LAMA1: variants seen among roughly 807,000 people sequenced by gnomAD.
LAMA1 encodes laminin subunit alpha-1.
A neutral mutation model predicts 348.7 loss-of-function variants in LAMA1; 219 were observed. That is an observed-to-expected ratio of 0.63 (90% CI 0.56 to 0.70). The LOEUF is 0.70. Among genes scored for constraint, LAMA1 ranks in the 30% least tolerant of loss-of-function variants. The pLI is 0.00. For missense variants in LAMA1, 3,744 were observed against 3,888.0 expected, an observed-to-expected ratio of 0.96 and a Z score of 0.99; for synonymous variants, 1,487 against 1,491.0, an observed-to-expected ratio of 1.00 and a Z score of 0.06.
chr18:7,049,083 T>C lies in LAMA1; in HGVS notation c.763A>G (p.Arg255Gly). The C allele has an allele frequency of 6.2e-7, 1 of 1,613,882 alleles. No homozygotes were observed. Among genetic ancestry groups the C allele is most frequent in the Non-Finnish European group, 8.5e-7 (1 of 1,179,804 alleles). The stretch of plus-strand genomic sequence containing the variant: ...GACTGCCGTCCCATACTCACGCGTC[T>C]GGTAACAATAGGATCCAGTTCTTTA... ...EPKELDPIVTRRYYYSIKDIS... is the reference protein window; with the variant it reads ...EPKELDPIVTGRYYYSIKDIS... Residue 255 changes from arginine (R) to glycine (G), a missense_variant, in exon 5 of 63, where the codon AGA becomes GGA. Physicochemically the swap from Arg to Gly is moderately radical, Grantham distance 125. Coordinates refer to ENST00000389658, the MANE Select transcript of LAMA1 (RefSeq NM_005559.4).
chr18:6,980,530 T>C lies in LAMA1; in HGVS notation c.5998A>G (p.Ile2000Val), dbSNP rs138747833. The C allele has an allele frequency of 3.1e-6, 5 of 1,588,150 alleles. No individual in the cohort carries two copies. The Admixed American group carries it at 8.3e-5, about 26-fold the overall frequency. The part of the protein sequence containing the change: ...TNESLLILRA[I>V]PKGIRDKGAK... ...AGTCCTTTCCACTTACCTTTAGGAA[T>C]TGCTCTAAGTATCAAGAGTGATTCA... is the stretch of plus-strand genomic sequence containing the variant. Residue 2000 changes from isoleucine to valine, a missense_variant, in exon 42 of 63, where the codon ATT becomes GTT. Ile to Val is a conservative substitution (Grantham distance 29, BLOSUM62 3). Transcript: ENST00000389658.
chr18:7,096,525 C>T (rs1019971983), intron 1 of LAMA1, among the ~76,000 whole-genome samples: 15 of 151,834 alleles, frequency 9.9e-5, no homozygotes, highest in South Asian at 4.2e-4. Flanking sequence ...CATGGTAGTG[C>T]GTGTCTGTAG....
chr18:6,947,239 G>A lies in LAMA1; in HGVS notation c.8768C>T (p.Ser2923Phe), dbSNP rs540403201. The A allele has an allele frequency of 1.9e-6, 3 of 1,614,176 alleles. No individual in the cohort carries two copies. The Admixed American group carries it at 5.0e-5, about 27-fold the overall frequency. The part of the protein sequence containing the change: ...DVNITLEFRT[S>F]SQNGVLLGIS... ...CCCCAGGAGGACGCCATTCTGCGAG[G>A]AGGTTCGAAACTCCAGTGTGATGTT... Residue 2923 changes from serine to phenylalanine, a missense_variant, in exon 61 of 63, where the codon TCC becomes TTC. By Grantham distance (155) the Ser-to-Phe change is radical. Transcript: ENST00000389658.
At chr18:6,945,368 C>T (rs376925942) in intron 61 of LAMA1, among the ~76,000 whole-genome samples, 23 of 152,158 alleles carry the variant, frequency 1.5e-4, no homozygotes, top group Non-Finnish European at 3.2e-4. Context: ...AAAGGTCAGA[C>T]ATGACCTTTC....
intron 47 of LAMA1, 119 bp downstream of exon 47, chr18:6,972,938 A>C: frequency 5.5e-6 from 6 of 1,082,888 alleles, no homozygotes; most frequent in Non-Finnish European, 7.1e-6. Flanking sequence ...TGATCTGCCC[A>C]CCTTGGCCTC....
intron 1 of LAMA1, among the ~76,000 whole-genome samples, chr18:7,087,411 C>T (rs111412412): frequency 6.6e-6 from 1 of 152,188 alleles, no homozygotes. Flanking sequence ...ATGCTCCACG[C>T]CATCTTGGCT....
At chr18:7,064,608 T>C (rs1340787349) in intron 3 of LAMA1, among the ~76,000 whole-genome samples, 5 of 152,228 alleles carry the variant, frequency 3.3e-5, no homozygotes, top group East Asian at 1.9e-4. Flanking sequence ...TGGCATTTCC[T>C]GAACAGCAAG....
chr18:7,042,859 G>A (rs919620796), intron 8 of LAMA1: 2 of 234,386 alleles, frequency 8.5e-6, no homozygotes, highest in African/African-American at 4.7e-5. Context: ...CTCCAGCCTG[G>A]CGACAGAGCG....
At chr18:7,091,158 G>A (rs543360124) in intron 1 of LAMA1, among the ~76,000 whole-genome samples, 3 of 152,282 alleles carry the variant, frequency 2.0e-5, no homozygotes, top group Non-Finnish European at 4.4e-5. Context: ...TTCATTCATC[G>A]TGAAGCAGTT....
chr18:7,023,625 C>A (rs2057928574), intron 18 of LAMA1, among the ~76,000 whole-genome samples: 1 of 152,070 alleles, frequency 6.6e-6, no homozygotes, highest in Non-Finnish European at 1.5e-5. Context: ...AACTCTGACC[C>A]ACCCCTGACC....
rs74986202 is a variant in LAMA1 at position 7,023,149 on chromosome 18, C to T, written c.2701+15G>A. ...GCAATAAACAGCTGACCTGACTTCA[C>T]GCTCACGCACTCACCGCGGCAGTTC... On this transcript the variant is annotated intron_variant, in intron 19 of 62. Transcript: ENST00000389658. 9.6e-3 allele frequency: 15,507 copies of T among 1,608,360 alleles called. 717 individuals are homozygous for T. In the East Asian group the frequency reaches 0.15, roughly 16 times the overall value.
rs148371239 is a variant in LAMA1, at chr18:7,002,408, A to C, written c.4261-23T>G. ...GTTCTGGGAGCCCACATTTAAAGGA[A>C]GGGGGAAAAAATGGGAAATTGTTAG... is the stretch of plus-strand genomic sequence containing the variant. On this transcript the variant is annotated intron_variant, in intron 29 of 62. Transcript: ENST00000389658. 4,786 of 1,609,794 alleles carry C rather than the reference A, an allele frequency of 3.0e-3. 10 individuals are homozygous for C. The highest frequency in any genetic ancestry group is 3.7e-3 in the Non-Finnish European group (4,412 of 1,179,346).
At chr18:6,949,662 T>C (rs994821936) in intron 58 of LAMA1, among the ~76,000 whole-genome samples, 2 of 152,200 alleles carry the variant, frequency 1.3e-5, no homozygotes, top group African/African-American at 4.8e-5. Flanking sequence ...ATTTAGTGGA[T>C]AGTTTAACTT....
chr18:7,076,205 C>T (rs1445900456), intron 3 of LAMA1, among the ~76,000 whole-genome samples: 1 of 152,110 alleles, frequency 6.6e-6, no homozygotes, highest in Non-Finnish European at 1.5e-5. Flanking sequence ...TGTAGCCATG[C>T]TGTAGATCTG....
intron 23 of LAMA1, among the ~76,000 whole-genome samples, chr18:7,013,567 T>C (rs187989646): frequency 2.7e-4 from 41 of 152,282 alleles, no homozygotes; most frequent in Admixed American, 2.6e-3. Flanking sequence ...CTGGGATATA[T>C]GATTAAAACT....
At chr18:6,982,130 A>G (rs1364647202) in intron 41 of LAMA1, among the ~76,000 whole-genome samples, 2 of 152,192 alleles carry the variant, frequency 1.3e-5, no homozygotes, top group Non-Finnish European at 2.9e-5. Flanking sequence ...ATCAAGCATA[A>G]TACATCTCCT....
intron 46 of LAMA1, among the ~76,000 whole-genome samples, chr18:6,974,211 C>A (rs987574500): frequency 1.8e-4 from 28 of 151,790 alleles, no homozygotes; most frequent in African/African-American, 5.8e-4. Context: ...GAAAAAAATC[C>A]AAACCTTAAG....
Position 7,011,292 on chromosome 18 carries a change from C to G in LAMA1, c.3687+8G>C. On this transcript the variant is annotated splice_region_variant and intron_variant, in intron 25 of 62. Coordinates refer to ENST00000389658, the MANE Select transcript of LAMA1 (RefSeq NM_005559.4). ...ACCGACTGGCTCTCGGCTGGGCGTG[C>G]ACCTCACCTGGTCTCCTTGGAACTG... 6.2e-7 allele frequency: 1 copy of G among 1,609,934 alleles called. No homozygotes were observed. The highest frequency in any genetic ancestry group is 8.5e-7 in the Non-Finnish European group (1 of 1,179,014).
chr18:7,023,257 A>G lies in LAMA1; in HGVS notation c.2608T>C (p.Cys870Arg). 6.2e-7 allele frequency: 1 copy of G among 1,613,608 alleles called. No individual in the cohort carries two copies. Among genetic ancestry groups the G allele is most frequent in the Non-Finnish European group, 8.5e-7 (1 of 1,179,948 alleles). Residue 870 changes from cysteine to arginine, a missense_variant, in exon 19 of 63, where the codon TGC becomes CGC. By Grantham distance (180) the Cys-to-Arg change is radical (BLOSUM62 -3). This residue lies in a region of LAMA1 where 1,529 missense variants were observed against 1,689.4 expected (regional missense o/e 0.91). Transcript: ENST00000389658. Reference protein sequence around the residue: ...AGHCDSVTGECLKCLGNTDGA... With the variant: ...AGHCDSVTGERLKCLGNTDGA... Reference sequence around the variant, plus strand: ...TCTGTGTTCCCCAGGCACTTCAGGCACTCCCCGGTGACTGAGTCACAGTGA... The same window carrying G: ...TCTGTGTTCCCCAGGCACTTCAGGCGCTCCCCGGTGACTGAGTCACAGTGA...
Sources: allele counts gnomAD v4.1 joint callset (sites outside exome capture counted in the v4.1 genomes callset), GRCh38; gene constraint gnomAD v4.1.1; regional missense constraint gnomAD v4.1.1; transcripts MANE v1.5; gene names NCBI Gene and HGNC (gene_info 2026-07-23, HGNC 2026-07-21).